Variants in CSMD1 observed in about 807,000 individuals in gnomAD.
CSMD1 encodes the protein CUB and Sushi multiple domains 1.
In CSMD1, 213 loss-of-function variants were observed where a neutral mutation model predicts 417.5. That is an observed-to-expected ratio of 0.51 (90% CI 0.46 to 0.57). The LOEUF (loss-of-function observed/expected upper bound fraction) is 0.57, where lower values mean the gene tolerates loss of function less well. Ranked by LOEUF, CSMD1 falls within the 20% of genes least tolerant of loss-of-function variation. The pLI is 0.00. For missense variants in CSMD1, 6,923 were observed against 4,529.7 expected, an observed-to-expected ratio of 1.53 and a Z score of -15.17; for synonymous variants, 2,862 against 1,736.8, an observed-to-expected ratio of 1.65 and a Z score of -16.11.
intron 11 of CSMD1, among the ~76,000 whole-genome samples, chr8:3,470,928 G>A (rs1005854928): frequency 2.6e-5 from 4 of 152,148 alleles, no homozygotes; most frequent in South Asian, 2.1e-4. Context: ...ACCTGGTAAA[G>A]GGTATTTGGA....
chr8:4,833,513 C>A (rs1026817317), intron 1 of CSMD1, among the ~76,000 whole-genome samples: 2 of 152,164 alleles, frequency 1.3e-5, no homozygotes, highest in African/African-American at 4.8e-5. Context: ...GGACACAGAG[C>A]CAAACCCTAT....
chr8:4,521,752 G>C (rs912538496), intron 2 of CSMD1, among the ~76,000 whole-genome samples: 1 of 152,134 alleles, frequency 6.6e-6, no homozygotes, highest in African/African-American at 2.4e-5. Context: ...AGAAGGCATA[G>C]ATTAGAGAAA....
chr8:3,218,572 A>AAAAAAAG (rs1798018365), intron 29 of CSMD1, among the ~76,000 whole-genome samples: 1 of 150,906 alleles, frequency 6.6e-6, no homozygotes, highest in Non-Finnish European at 1.5e-5. Context: ...AAAATAAAAA[A>AAAAAAAG]AAAAAGAAAT....
intron 3 of CSMD1, among the ~76,000 whole-genome samples, chr8:4,101,155 T>C (rs1262522198): frequency 6.6e-6 from 1 of 152,224 alleles, no homozygotes; most frequent in African/African-American, 2.4e-5. Flanking sequence ...AGAACCACTC[T>C]ATACTGTCTA....
Position 3,842,017 on chromosome 8 carries a change from AG to A in CSMD1, c.819-87976del, listed in dbSNP as rs1178583241. ...GCATCAATTTGTATATCGAGTTAAA[AG>A]CTCCTTTCTTTCTAATGCATACCCT... is the stretch of plus-strand genomic sequence containing the variant. On this transcript the variant is annotated intron_variant, in intron 5 of 69. Coordinates refer to ENST00000635120, the MANE Select transcript of CSMD1 (RefSeq NM_033225.6). Among the ~76,000 whole-genome samples, 17 of 152,294 alleles carry A rather than the reference AG, an allele frequency of 1.1e-4. No individual in the cohort carries two copies. In the East Asian group the frequency reaches 3.3e-3, roughly 29 times the overall value.
rs373082036 is a variant in CSMD1 at position 3,268,565 on chromosome 8, C to G, written c.4153+15579G>C. ...CCTCCTAAAGTGCTGGGATTACAGGCGTGAGCCACCGTGCCAGGCCCAGAT... is the reference window on the plus strand; with the variant it reads ...CCTCCTAAAGTGCTGGGATTACAGGGGTGAGCCACCGTGCCAGGCCCAGAT... On this transcript the variant is annotated intron_variant, in intron 26 of 69. Coordinates refer to ENST00000635120, the MANE Select transcript of CSMD1 (RefSeq NM_033225.6). Among the ~76,000 whole-genome samples, 62 of 152,034 alleles carry G rather than the reference C, an allele frequency of 4.1e-4. 1 individual carries two copies. In the East Asian group the frequency reaches 8.9e-3, roughly 22 times the overall value.
At chr8:3,366,349 C>T (rs2117752527) in intron 20 of CSMD1, among the ~76,000 whole-genome samples, 1 of 151,288 alleles carries the variant, frequency 6.6e-6, no homozygotes, top group East Asian at 2.0e-4. Context: ...ACATGTTTGG[C>T]CAGTTTTTAA....
chr8:4,664,542 T>C (rs548244559), intron 1 of CSMD1, among the ~76,000 whole-genome samples: 33 of 152,170 alleles, frequency 2.2e-4, no homozygotes, highest in African/African-American at 7.9e-4. Flanking sequence ...CCCTCGGCAA[T>C]ACAGCAAGAG....
chr8:2,955,786 A>G lies in CSMD1; in HGVS notation c.9815-18T>C. The G allele has an allele frequency of 3.1e-6, 5 of 1,609,628 alleles. No homozygotes were observed. The highest frequency in any genetic ancestry group is 4.2e-6 in the Non-Finnish European group (5 of 1,177,348). ...GGCATGAGCTGAAACAACATTAGGA[A>G]ACATTGAGACTTTGTTTATTGTAAA... On this transcript the variant is annotated intron_variant, in intron 63 of 69. Coordinates refer to ENST00000635120, the MANE Select transcript of CSMD1 (RefSeq NM_033225.6).
chr8:3,957,977 T>C (rs1189301066), intron 5 of CSMD1, among the ~76,000 whole-genome samples: 2 of 152,306 alleles, frequency 1.3e-5, no homozygotes, highest in African/African-American at 4.8e-5. Context: ...ATTTTTACTT[T>C]CTTTTTGCTT....
At chr8:4,663,768 G>A (rs1279278778) in intron 1 of CSMD1, among the ~76,000 whole-genome samples, 1 of 152,172 alleles carries the variant, frequency 6.6e-6, no homozygotes, top group Admixed American at 6.5e-5. Context: ...AGTAACGTGA[G>A]AATGGACTAA....
chr8:3,736,662 C>T (rs1383116867), intron 6 of CSMD1, among the ~76,000 whole-genome samples: 1 of 152,298 alleles, frequency 6.6e-6, no homozygotes, highest in East Asian at 1.9e-4. Context: ...TCACCTGCGA[C>T]CTGGCCTGAC....
intron 1 of CSMD1, among the ~76,000 whole-genome samples, chr8:4,917,094 G>A (rs1190294328): frequency 6.6e-6 from 1 of 152,202 alleles, no homozygotes; most frequent in Non-Finnish European, 1.5e-5. Context: ...AAGCACGGCT[G>A]TGGAGGCCTC....
At chr8:4,878,481 T>A (rs187479288) in intron 1 of CSMD1, among the ~76,000 whole-genome samples, 2 of 151,852 alleles carry the variant, frequency 1.3e-5, no homozygotes, top group Non-Finnish European at 2.9e-5. Context: ...TAAGACAGCA[T>A]AGAATCATGA....
chr8:3,728,147 T>C (rs948571667), intron 6 of CSMD1, among the ~76,000 whole-genome samples: 3 of 152,186 alleles, frequency 2.0e-5, no homozygotes, highest in Admixed American at 6.5e-5. Context: ...CAGTGGGAGA[T>C]AAATGAATCA....
intron 1 of CSMD1, among the ~76,000 whole-genome samples, chr8:4,778,064 C>T (rs1796960552): frequency 6.6e-6 from 1 of 152,146 alleles, no homozygotes; most frequent in Admixed American, 6.5e-5. Context: ...CATAAACACA[C>T]ACAGGCATAC....
intron 11 of CSMD1, among the ~76,000 whole-genome samples, chr8:3,473,539 C>G (rs1585216535): frequency 6.6e-6 from 1 of 152,210 alleles, no homozygotes; most frequent in African/African-American, 2.4e-5. Flanking sequence ...GATATTATTT[C>G]TTTAAAACAA....
chr8:4,806,258 C>G (rs962283580), intron 1 of CSMD1, among the ~76,000 whole-genome samples: 1 of 152,176 alleles, frequency 6.6e-6, no homozygotes, highest in Admixed American at 6.5e-5. Flanking sequence ...ATGCAGTGTG[C>G]ACATGCTCGG....
At chr8:3,891,126 A>G (rs2129127249) in intron 5 of CSMD1, among the ~76,000 whole-genome samples, 1 of 151,912 alleles carries the variant, frequency 6.6e-6, no homozygotes, top group Middle Eastern at 3.4e-3. Flanking sequence ...TTGGCTCATT[A>G]CAACCTCCAC....
Sources: gnomAD v4.1 joint callset for allele counts (sites outside exome capture counted in the v4.1 genomes callset) on GRCh38, gnomAD v4.1.1 for gene constraint, MANE v1.5 for transcripts, NCBI Gene and HGNC (gene_info 2026-07-23, HGNC 2026-07-21) for gene names.